ZBTB25: variants seen among roughly 807,000 people sequenced by gnomAD.
The protein encoded by ZBTB25 is zinc finger and BTB domain-containing protein 25.
A neutral mutation model predicts 34.2 loss-of-function variants in ZBTB25; 20 were observed. The ratio of observed to expected loss-of-function variants is 0.58; its 90% CI spans 0.41 to 0.85. ZBTB25 has a LOEUF of 0.85. ZBTB25 is among the 40% of genes least tolerant of loss of function. The pLI is 0.00. For missense variants in ZBTB25, 437 were observed against 521.8 expected (o/e 0.84, Z 1.58); for synonymous variants, 175 against 186.4 (o/e 0.94, Z 0.50).
At chr14:64,450,731 AG>A (rs976502216) in intron 2 of ZBTB25, among the ~76,000 whole-genome samples, 17 of 152,122 alleles carry the variant, frequency 1.1e-4, no homozygotes, top group Admixed American at 1.0e-3. Flanking sequence ...GTTTTAAGAC[AG>A]GGTCTTGCTC....
intron 2 of ZBTB25, among the ~76,000 whole-genome samples, chr14:64,449,940 C>T (rs1455869396): frequency 2.0e-5 from 3 of 152,220 alleles, no homozygotes; most frequent in African/African-American, 7.2e-5. Flanking sequence ...AGGCGTCTGC[C>T]ACCGTGCCCA....
At chr14:64,458,267 G>A in intron 2 of ZBTB25, 1 of 1,613,500 alleles carries the variant, frequency 6.2e-7, no homozygotes, top group Admixed American at 1.7e-5. Flanking sequence ...ATATTGATTT[G>A]GACCCTGAAA....
intron 2 of ZBTB25, among the ~76,000 whole-genome samples, chr14:64,488,984 C>A (rs908537906): frequency 1.3e-5 from 2 of 152,150 alleles, no homozygotes; most frequent in Admixed American, 6.5e-5. Context: ...CGGTGGCTCA[C>A]GCCTGTAATT....
At chr14:64,503,555 G>C (rs923596236) in intron 1 of ZBTB25, 106 bp downstream of exon 1, 1 of 985,958 alleles carries the variant, frequency 1.0e-6, no homozygotes, top group Non-Finnish European at 1.2e-6. Flanking sequence ...CCAGCTACTT[G>C]CATCTGTCCC....
intron 2 of ZBTB25, chr14:64,460,107 G>C (rs1030337611): frequency 1.7e-6 from 1 of 600,456 alleles, no homozygotes; most frequent in African/African-American, 1.9e-5. Context: ...GGCTGAAGAT[G>C]CAAGTTGCAG....
intron 2 of ZBTB25, among the ~76,000 whole-genome samples, chr14:64,488,526 C>G (rs2078961336): frequency 6.6e-6 from 1 of 152,068 alleles, no homozygotes; most frequent in Non-Finnish European, 1.5e-5. Flanking sequence ...TGAGTGTTCA[C>G]CAAAAGATGA....
intron 1 of ZBTB25, among the ~76,000 whole-genome samples, chr14:64,498,569 C>T (rs570685420): frequency 3.9e-5 from 6 of 152,288 alleles, no homozygotes; most frequent in African/African-American, 1.4e-4. Flanking sequence ...CCTTGGCCTC[C>T]CAAAGTGCTG....
chr14:64,495,728 G>A (rs1208973605), intron 1 of ZBTB25, among the ~76,000 whole-genome samples: 4 of 152,078 alleles, frequency 2.6e-5, no homozygotes, highest in South Asian at 2.1e-4. Flanking sequence ...AGGCAGAGGC[G>A]GGCAGATCAC....
At chr14:64,501,544 A>T (rs1337022014) in intron 1 of ZBTB25, among the ~76,000 whole-genome samples, 1 of 152,250 alleles carries the variant, frequency 6.6e-6, no homozygotes, top group Non-Finnish European at 1.5e-5. Flanking sequence ...GCACTTTATA[A>T]CTTATCAAGA....
rs1386811542 is a variant in ZBTB25, at chr14:64,452,455, C to G, written c.174-2817G>C. 2.0e-5 allele frequency among the ~76,000 whole-genome samples: 3 copies of G among 152,160 alleles called. No individual in the cohort carries two copies. In the East Asian group the frequency reaches 5.8e-4, roughly 29 times the overall value. On this transcript the variant is annotated intron_variant, in intron 2 of 2. Transcript: ENST00000555220. Reference sequence around the variant, plus strand: ...TCTCCGTATGCTGTTCTCTTTGAATCTTAATGCCCTGAACTAGTCTACACA... The same window carrying G: ...TCTCCGTATGCTGTTCTCTTTGAATGTTAATGCCCTGAACTAGTCTACACA...
At chr14:64,454,652 C>A in intron 2 of ZBTB25, 1 of 1,263,248 alleles carries the variant, frequency 7.9e-7, no homozygotes, top group Non-Finnish European at 1.2e-6. Context: ...CATGTAATCA[C>A]AGGGCCCAGA....
intron 2 of ZBTB25, chr14:64,470,471 TC>T (rs2078657588): frequency 1.3e-5 from 2 of 157,506 alleles, no homozygotes; most frequent in South Asian, 4.2e-4. Context: ...ACGCCTGTAA[TC>T]CCAGCTACTT....
rs370011989 is a variant in ZBTB25, at chr14:64,487,656, G to A, written c.575C>T (p.Ala192Val). Residue 192 changes from alanine (A) to valine (V), a missense_variant, in exon 3 of 3, where the codon GCC becomes GTC. By Grantham distance (64) the Ala-to-Val change is moderately conservative (BLOSUM62 0). Coordinates refer to ENST00000608382, the MANE Select transcript of ZBTB25 (RefSeq NM_006977.5). The stretch of plus-strand genomic sequence containing the variant: ...TGGGGGCTTCTGGTGCTCCTCCAGG[G>A]CCTGGGTGGCAGGACAGGCCCTCTG... ...DQQRACPATQ[A>V]LEEHQKPPVS... The A allele has an allele frequency of 3.4e-5, 54 of 1,605,866 alleles. No homozygotes were observed. The African/African-American group carries it at 6.8e-4, about 20-fold the overall frequency.
In ZBTB25 at chr14:64,457,577, T is replaced by TC. The variant is rs2078496173; in HGVS notation, c.174-7940dup. Among the ~76,000 whole-genome samples the TC allele has an allele frequency of 2.6e-5, 4 of 151,854 alleles. No individual in the cohort carries two copies. In the South Asian group the frequency reaches 8.4e-4, roughly 32 times the overall value. ...TTCAAGCGATTCTCCTGCCTCAGCC[T>TC]CCCAAGTAGCTGGGATTACAGGCAC... is the stretch of plus-strand genomic sequence containing the variant. On this transcript the variant is annotated intron_variant, in intron 2 of 2. Transcript: ENST00000555220.
rs2079042293 is a variant in ZBTB25 at position 64,490,519 on chromosome 14, G to C, written c.15C>G (p.Ser5Arg). The C allele has an allele frequency of 1.1e-5, 17 of 1,612,764 alleles. No individual in the cohort carries two copies. Among genetic ancestry groups the C allele is most frequent in the Non-Finnish European group, 1.4e-5 (17 of 1,179,114 alleles). The stretch of plus-strand genomic sequence containing the variant: ...GCTGCTGGAGAAGAACAAGGCTATG[G>C]CTGGCAGTGTCCATTGTGGTTCTGA... MDTASHSLVLLQQLN... is the reference protein window; with the variant it reads MDTARHSLVLLQQLN... The change falls in exon 2 of 3, where the codon AGC becomes AGG. Residue 5 changes from serine to arginine, a missense_variant. Coordinates refer to ENST00000608382, the MANE Select transcript of ZBTB25 (RefSeq NM_006977.5).
intron 2 of ZBTB25, chr14:64,472,553 A>G (rs951421499): frequency 2.4e-5 from 4 of 166,958 alleles, no homozygotes; most frequent in Non-Finnish European, 2.9e-5. Flanking sequence ...GATAAGATGT[A>G]TATTTTACTT....
intron 1 of ZBTB25, among the ~76,000 whole-genome samples, chr14:64,495,870 G>A (rs1240640343): frequency 6.6e-6 from 1 of 151,794 alleles, no homozygotes; most frequent in Non-Finnish European, 1.5e-5. Flanking sequence ...CAGGTGAACT[G>A]CTTGAACCTG....
chr14:64,477,223 G>T (rs892201478), downstream of ZBTB25, among the ~76,000 whole-genome samples: 3 of 152,136 alleles, frequency 2.0e-5, no homozygotes, highest in Admixed American at 6.5e-5. Flanking sequence ...CTGTGCCATT[G>T]GCACAGCACA....
exon 3 of ZBTB25, chr14:64,449,302 G>A (rs1464301246): frequency 3.3e-6 from 3 of 902,838 alleles, no homozygotes; most frequent in Non-Finnish European, 3.6e-6. Context: ...AAGTTTCGGA[G>A]CTGAGATTCA....
Sources: allele counts gnomAD v4.1 joint callset (sites outside exome capture counted in the v4.1 genomes callset), GRCh38; gene constraint gnomAD v4.1.1; transcripts MANE v1.5; gene names NCBI Gene and HGNC (gene_info 2026-07-23, HGNC 2026-07-21).